Variants in ZNF827 observed in about 807,000 individuals in gnomAD.
ZNF827 encodes zinc finger protein 827.
Under a neutral mutation model 102.4 loss-of-function variants are expected in ZNF827, and 13 were observed. That is an observed-to-expected ratio of 0.13 (90% CI 0.08 to 0.20). The LOEUF is 0.20. Ranked by LOEUF, ZNF827 falls within the 10% of genes least tolerant of loss-of-function variation. The pLI is 1.00. For missense variants in ZNF827, 1,103 were observed against 1,344.4 expected (o/e 0.82, Z 2.81); for synonymous variants, 523 against 536.2 (o/e 0.98, Z 0.34).
intron 4 of ZNF827, chr4:145,876,749 G>T (rs1264955262): frequency 1.3e-5 from 2 of 152,174 alleles, no homozygotes; most frequent in African/African-American, 2.4e-5. Flanking sequence ...AGGGCATATT[G>T]TGAGTTCTGG....
At chr4:145,924,667 C>G (rs1206610813) in intron 1 of ZNF827, among the ~76,000 whole-genome samples, 1 of 152,198 alleles carries the variant, frequency 6.6e-6, no homozygotes, top group Non-Finnish European at 1.5e-5. Context: ...TTCATTTAGG[C>G]CATCACCCTC....
At chr4:145,878,660 G>GAAAGGGAGA (rs1749388032) in intron 4 of ZNF827, among the ~76,000 whole-genome samples, 1 of 148,306 alleles carries the variant, frequency 6.7e-6, no homozygotes, top group Admixed American at 6.7e-5. Context: ...GAAAGGAAAG[G>GAAAGGGAGA]GAGAGAGAGA....
intron 7 of ZNF827, among the ~76,000 whole-genome samples, chr4:145,824,941 G>C (rs72723881): frequency 6.6e-6 from 1 of 152,364 alleles, no homozygotes; most frequent in Non-Finnish European, 1.5e-5. Context: ...TGTTAGGCTA[G>C]ATTTAACACA....
intron 1 of ZNF827, among the ~76,000 whole-genome samples, chr4:145,906,410 C>T (rs978924386): frequency 6.6e-6 from 1 of 152,224 alleles, no homozygotes; most frequent in Non-Finnish European, 1.5e-5. Context: ...TCTTCATTCC[C>T]ATTCTGCCTC....
At position 145,774,679 on chromosome 4, in the gene ZNF827, G is replaced by A; in HGVS notation, c.2694-7C>T. On this transcript the variant is annotated splice_polypyrimidine_tract_variant and splice_region_variant and intron_variant, in intron 10 of 14. Coordinates refer to ENST00000508784, the MANE Select transcript of ZNF827 (RefSeq NM_001306215.2). ...AAATCCACACACGTGACAACTACATGAAAGGGTAAAAGAAAAGAGGGGGAG... is the reference window on the plus strand; with the variant it reads ...AAATCCACACACGTGACAACTACATAAAAGGGTAAAAGAAAAGAGGGGGAG... 2 of 1,612,360 alleles carry A rather than the reference G, an allele frequency of 1.2e-6. No individual in the cohort carries two copies. Among genetic ancestry groups the A allele is most frequent in the Non-Finnish European group, 1.7e-6 (2 of 1,179,058 alleles).
intron 1 of ZNF827, among the ~76,000 whole-genome samples, chr4:145,917,700 C>CAAAAAAAAAAAA (rs763617063): frequency 1.1e-4 from 5 of 46,842 alleles, no homozygotes; most frequent in African/African-American, 2.3e-4. Flanking sequence ...GGTAGCTGGT[C>CAAAAAAAAAAAA]AAAAAAAAAA....
intron 2 of ZNF827, among the ~76,000 whole-genome samples, chr4:145,894,992 C>T (rs1363749222): frequency 6.6e-6 from 1 of 152,108 alleles, no homozygotes; most frequent in African/African-American, 2.4e-5. Context: ...GGGAAATAAT[C>T]ATAACAATGT....
At chr4:145,917,419 G>C (rs1361280714) in intron 1 of ZNF827, among the ~76,000 whole-genome samples, 1 of 152,092 alleles carries the variant, frequency 6.6e-6, no homozygotes, top group Admixed American at 6.6e-5. Context: ...TGGAGACAGA[G>C]AGAGCAAGAG....
intron 6 of ZNF827, among the ~76,000 whole-genome samples, chr4:145,847,879 G>C (rs1746140363): frequency 6.6e-6 from 1 of 152,232 alleles, no homozygotes; most frequent in Non-Finnish European, 1.5e-5. Flanking sequence ...ATGCATGTGT[G>C]CATGGACAAT....
chr4:145,882,129 T>TC (rs925170143), intron 4 of ZNF827, among the ~76,000 whole-genome samples: 1 of 152,184 alleles, frequency 6.6e-6, no homozygotes, highest in African/African-American at 2.4e-5. Flanking sequence ...AACTTAGCTC[T>TC]CCGCAGTCGG....
intron 6 of ZNF827, among the ~76,000 whole-genome samples, chr4:145,846,742 G>A (rs1184352395): frequency 7.6e-6 from 1 of 131,298 alleles, no homozygotes; most frequent in Non-Finnish European, 1.6e-5. Context: ...GCGTGAACCC[G>A]GGAGGCGGAG....
chr4:145,767,152 A>C (rs1415689629), intron 11 of ZNF827, among the ~76,000 whole-genome samples: 1 of 152,224 alleles, frequency 6.6e-6, no homozygotes, highest in Non-Finnish European at 1.5e-5. Flanking sequence ...AAGGACATTA[A>C]AACAGTGGTG....
intron 1 of ZNF827, among the ~76,000 whole-genome samples, chr4:145,909,247 C>G (rs1752090921): frequency 6.6e-6 from 1 of 152,094 alleles, no homozygotes; most frequent in South Asian, 2.1e-4. Context: ...TTCTTGATTC[C>G]CTGCTCATAG....
chr4:145,804,387 T>C (rs2356623), intron 8 of ZNF827, among the ~76,000 whole-genome samples: 26,422 of 152,186 alleles, frequency 0.17, 3,278 homozygotes, highest in East Asian at 0.67. Flanking sequence ...GCAAACTGCC[T>C]CTGAACAGCT....
chr4:145,764,872 T>A (rs1408702355), intron 13 of ZNF827, 116 bp downstream of exon 13: 3 of 1,452,120 alleles, frequency 2.1e-6, no homozygotes, highest in South Asian at 2.3e-5. Flanking sequence ...ACTCCTCTCA[T>A]ACCAAGCTCC....
At chr4:145,822,956 G>A (rs1743293395) in intron 8 of ZNF827, among the ~76,000 whole-genome samples, 1 of 152,202 alleles carries the variant, frequency 6.6e-6, no homozygotes, top group Admixed American at 6.5e-5. Flanking sequence ...CAAAATCTGG[G>A]TGGCAAGGTT....
intron 11 of ZNF827, among the ~76,000 whole-genome samples, chr4:145,771,614 G>A (rs565299921): frequency 6.6e-6 from 1 of 152,352 alleles, no homozygotes; most frequent in South Asian, 2.1e-4. Context: ...GAGAAAGAAG[G>A]TGAGGAGGGA....
rs1751534088 is a variant in ZNF827 at position 145,902,824 on chromosome 4, C to T, written c.435G>A (p.Glu145=). ...DAAATANGRV[E]SPVNVGSNLS... ...GGTTCGAGCCAACGTTTACGGGGGA[C>T]TCCACTCTGCCATTAGCCGTGGCTG... is the stretch of plus-strand genomic sequence containing the variant. Residue 145 remains glutamate, a synonymous_variant, in exon 2 of 15, where the codon GAG becomes GAA. Coordinates refer to ENST00000508784, the MANE Select transcript of ZNF827 (RefSeq NM_001306215.2). The surrounding 1 kb of genome is among the most constrained non-coding windows in gnomAD (Gnocchi z 4.3). 1 of 1,614,108 alleles carries T rather than the reference C, an allele frequency of 6.2e-7. No individual in the cohort carries two copies. Among genetic ancestry groups the T allele is most frequent in the Non-Finnish European group, 8.5e-7 (1 of 1,180,016 alleles).
At chr4:145,852,404 G>C (rs1746622359) in intron 5 of ZNF827, among the ~76,000 whole-genome samples, 1 of 152,194 alleles carries the variant, frequency 6.6e-6, no homozygotes, top group Admixed American at 6.5e-5. Flanking sequence ...GCCCTTTCAA[G>C]AATGCACAAA....
Sources: gnomAD v4.1 joint callset for allele counts (sites outside exome capture counted in the v4.1 genomes callset) on GRCh38, gnomAD v4.1.1 for gene constraint, Gnocchi (gnomAD v3.1) non-coding constraint, MANE v1.5 for transcripts, NCBI Gene and HGNC (gene_info 2026-07-23, HGNC 2026-07-21) for gene names.